FGGY: variants seen among roughly 807,000 people sequenced by gnomAD.
The protein encoded by FGGY is FGGY carbohydrate kinase domain containing, also known as FGGY carbohydrate kinase domain-containing protein.
In FGGY, 72 loss-of-function variants were observed where a neutral mutation model predicts 71.3. The observed-to-expected ratio is 1.01, with a 90% CI of 0.84 to 1.23. The LOEUF is 1.23. Ranked by LOEUF, FGGY falls within the 50% of genes most tolerant of loss-of-function variation. The probability of loss-of-function intolerance (pLI) is 0.00; values close to 1 mark genes in which losing one functional copy is unlikely to be tolerated. For missense variants in FGGY, 668 were observed against 682.3 expected (o/e 0.98, Z 0.23); for synonymous variants, 251 against 250.3 (o/e 1.00, Z -0.02).
chr1:59,503,620 A>ATATAT (rs1558148301), intron 6 of FGGY, among the ~76,000 whole-genome samples: 9 of 134,150 alleles, frequency 6.7e-5, no homozygotes, highest in African/African-American at 2.6e-4. Context: ...TATATATATA[A>ATATAT]AATATGTATT....
chr1:59,317,596 G>A (rs190198699), intron 1 of FGGY, among the ~76,000 whole-genome samples: 9 of 152,302 alleles, frequency 5.9e-5, no homozygotes, highest in African/African-American at 2.2e-4. Flanking sequence ...AGGAACAAAG[G>A]GCATAGAGGG....
intron 6 of FGGY, among the ~76,000 whole-genome samples, chr1:59,473,738 G>T (rs1012759245): frequency 6.6e-6 from 1 of 152,154 alleles, no homozygotes; most frequent in African/African-American, 2.4e-5. Context: ...AACATGGCAG[G>T]AGTCACTCTA....
intron 5 of FGGY, among the ~76,000 whole-genome samples, chr1:59,382,564 G>C (rs2059594810): frequency 6.6e-6 from 1 of 152,186 alleles, no homozygotes. Context: ...GTGTGTAGGT[G>C]AGGATATCAT....
At chr1:59,580,641 G>T (rs1243507037) in intron 8 of FGGY, among the ~76,000 whole-genome samples, 1 of 152,094 alleles carries the variant, frequency 6.6e-6, no homozygotes, top group Non-Finnish European at 1.5e-5. Context: ...GCAACCGCAG[G>T]TCCTTCTCAT....
At chr1:59,526,811 C>A (rs533942742) in intron 7 of FGGY, among the ~76,000 whole-genome samples, 2 of 152,220 alleles carry the variant, frequency 1.3e-5, no homozygotes, top group South Asian at 4.1e-4. Flanking sequence ...TGGAATCAGA[C>A]TGCCTGGGTT....
At chr1:59,735,984 G>A (rs2098099198) in intron 14 of FGGY, among the ~76,000 whole-genome samples, 2 of 152,248 alleles carry the variant, frequency 1.3e-5, no homozygotes, top group Admixed American at 6.5e-5. Context: ...CATGTTGTGG[G>A]AGAGACCCAG....
intron 14 of FGGY, among the ~76,000 whole-genome samples, chr1:59,725,766 T>C (rs1307107539): frequency 6.6e-6 from 1 of 152,190 alleles, no homozygotes; most frequent in African/African-American, 2.4e-5. Context: ...ACTTGTTTGC[T>C]TATTAGTTCC....
chr1:59,618,492 C>A (rs1249843688), intron 9 of FGGY, among the ~76,000 whole-genome samples: 4 of 152,074 alleles, frequency 2.6e-5, no homozygotes, highest in Non-Finnish European at 4.4e-5. Context: ...AGGTGCATTT[C>A]TGAGTTTTTC....
chr1:59,347,834 A>G lies in FGGY; in HGVS notation c.465+1436A>G, dbSNP rs369551877. On this transcript the variant is annotated intron_variant, in intron 4 of 15. Coordinates refer to ENST00000303721, the MANE Select transcript of FGGY (RefSeq NM_018291.5). ...GATGGATTAAAGACTTAAATGTTAG[A>G]CCTAAAACCATAAAAACCCTAGAAG... Among the ~76,000 whole-genome samples, 7 of 152,324 alleles carry G rather than the reference A, an allele frequency of 4.6e-5. No homozygotes were observed. In the East Asian group the frequency reaches 1.3e-3, roughly 29 times the overall value.
At chr1:59,647,368 T>C (rs1222845600) in intron 11 of FGGY, among the ~76,000 whole-genome samples, 1 of 152,198 alleles carries the variant, frequency 6.6e-6, no homozygotes, top group Admixed American at 6.5e-5. Flanking sequence ...AAAGTAGTGT[T>C]GTGTGGTGTA....
intron 7 of FGGY, among the ~76,000 whole-genome samples, chr1:59,520,836 G>A (rs2094806271): frequency 6.6e-6 from 1 of 152,154 alleles, no homozygotes; most frequent in South Asian, 2.1e-4. Flanking sequence ...AGCCTGGGGG[G>A]ATGAGTTGGC....
chr1:59,655,746 T>C (rs1329958245), intron 11 of FGGY, among the ~76,000 whole-genome samples: 3 of 152,222 alleles, frequency 2.0e-5, no homozygotes, highest in Non-Finnish European at 4.4e-5. Context: ...TCAGTACAGC[T>C]TACTGAAAAA....
intron 8 of FGGY, among the ~76,000 whole-genome samples, chr1:59,582,221 G>T (rs919963351): frequency 8.7e-5 from 13 of 149,830 alleles, no homozygotes; most frequent in Admixed American, 4.6e-4. Context: ...CTGCATTCCA[G>T]CCTGAGAACA....
chr1:59,428,277 T>TTATATA (rs150799546), intron 5 of FGGY, among the ~76,000 whole-genome samples: 31,390 of 152,004 alleles, frequency 0.21, 3,207 homozygotes, highest in African/African-American at 0.25. Context: ...CATATGTATA[T>TTATATA]TATATCACTT....
chr1:59,709,238 T>C (rs1361617172), intron 14 of FGGY, among the ~76,000 whole-genome samples: 1 of 152,006 alleles, frequency 6.6e-6, no homozygotes, highest in East Asian at 1.9e-4. Flanking sequence ...TGGTGGAAGG[T>C]AAAGGGGAAG....
At position 59,535,090 on chromosome 1, in the gene FGGY, T is replaced by A. The variant is rs543936482; in HGVS notation, c.800-19034T>A. 1.4e-4 allele frequency among the ~76,000 whole-genome samples: 22 copies of A among 152,146 alleles called. No individual in the cohort carries two copies. In the South Asian group the frequency reaches 3.1e-3, roughly 22 times the overall value. On this transcript the variant is annotated intron_variant, in intron 7 of 15. Transcript: ENST00000303721. ...GTGTGCTGTATTCAGGAAACCCATC[T>A]CACCTGCAGAGACACACATAGACTC...
chr1:59,539,031 A>G (rs2095394445), intron 7 of FGGY, among the ~76,000 whole-genome samples: 1 of 152,178 alleles, frequency 6.6e-6, no homozygotes, highest in Admixed American at 6.6e-5. Context: ...AAATAGCATG[A>G]TTTACAATAA....
At chr1:59,408,082 A>G (rs2063032563) in intron 5 of FGGY, among the ~76,000 whole-genome samples, 1 of 152,198 alleles carries the variant, frequency 6.6e-6, no homozygotes, top group African/African-American at 2.4e-5. Flanking sequence ...TTTCATTGGG[A>G]GGCCATGTGG....
At chr1:59,578,440 T>A (rs1558414003) in intron 8 of FGGY, among the ~76,000 whole-genome samples, 1 of 151,896 alleles carries the variant, frequency 6.6e-6, no homozygotes, top group Non-Finnish European at 1.5e-5. Flanking sequence ...CACCCAGCTG[T>A]CCAGCAGGAA....
Sources: gnomAD v4.1 joint callset for allele counts (sites outside exome capture counted in the v4.1 genomes callset) on GRCh38, gnomAD v4.1.1 for gene constraint, MANE v1.5 for transcripts, NCBI Gene and HGNC (gene_info 2026-07-23, HGNC 2026-07-21) for gene names.